AIG1: variants seen among roughly 807,000 people sequenced by gnomAD.
AIG1 encodes the protein androgen induced 1.
AIG1 carries 23 observed loss-of-function variants against 31.4 expected under a neutral mutation model. The ratio of observed to expected loss-of-function variants is 0.73; its 90% confidence interval spans 0.53 to 1.04. The LOEUF is 1.04. Ranked by LOEUF, AIG1 falls within the 50% of genes least tolerant of loss-of-function variation. The pLI is 0.00. For synonymous variants in AIG1, 100 were observed against 110.5 expected (o/e 0.90, Z 0.60); for missense variants, 274 against 295.0 (o/e 0.93, Z 0.52).
chr6:143,192,814 T>C (rs76270042), intron 3 of AIG1, among the ~76,000 whole-genome samples: 135 of 152,284 alleles, frequency 8.9e-4, no homozygotes, highest in African/African-American at 3.2e-3. Context: ...AAAAAGTTGT[T>C]GTATGAACAT....
rs888954488 is a variant in AIG1, at chr6:143,101,085, AT to A, written c.142-35742del. Among the ~76,000 whole-genome samples the A allele has an allele frequency of 8.3e-4, 126 of 151,952 alleles. 2 individuals carry two copies. Among genetic ancestry groups the A allele is most frequent in the Non-Finnish European group, 1.3e-3 (89 of 67,934 alleles). ...TGCCTGAGAGGTTATTTTTCATATA[AT>A]TTTTTTTGCTTACTGATGCTTTAAA... On this transcript the variant is annotated intron_variant, in intron 1 of 5. Transcript: ENST00000357847.
Position 143,229,706 on chromosome 6 carries a change from A to G in AIG1, c.400-54404A>G, listed in dbSNP as rs1278494536. Among the ~76,000 whole-genome samples, 3 of 148,796 alleles carry G rather than the reference A, an allele frequency of 2.0e-5. No individual in the cohort carries two copies. In the Admixed American group the frequency reaches 2.0e-4, roughly 10 times the overall value. On this transcript the variant is annotated intron_variant, in intron 3 of 5. Transcript: ENST00000357847. ...TCCACAGAAAAAGATGATCAAGGCA[A>G]TGCCCTTTAGTTGTTTTTTTCTTAA...
chr6:143,060,283 T>C (rs768533925), upstream of AIG1, among the ~76,000 whole-genome samples: 1 of 152,228 alleles, frequency 6.6e-6, no homozygotes, highest in South Asian at 2.1e-4. Context: ...GAAAACCTTA[T>C]TGCCCCAAAA....
chr6:143,246,838 T>TG (rs994249025), intron 3 of AIG1, among the ~76,000 whole-genome samples: 1 of 152,106 alleles, frequency 6.6e-6, no homozygotes, highest in Non-Finnish European at 1.5e-5. Context: ...TCACACCAAT[T>TG]GCTAGTTCAG....
chr6:143,174,678 G>T (rs910081714), intron 3 of AIG1, among the ~76,000 whole-genome samples: 7 of 151,954 alleles, frequency 4.6e-5, no homozygotes, highest in Non-Finnish European at 7.4e-5. Context: ...TGTCTTTTAA[G>T]TAGAGGATTT....
chr6:143,084,829 C>G (rs1304267198), intron 1 of AIG1, among the ~76,000 whole-genome samples: 1 of 152,194 alleles, frequency 6.6e-6, no homozygotes, highest in Non-Finnish European at 1.5e-5. Flanking sequence ...TAGTAAATGT[C>G]TGCAGCACCA....
chr6:143,156,341 T>G lies in AIG1; in HGVS notation c.298-8741T>G, dbSNP rs1409626484. 5.9e-5 allele frequency among the ~76,000 whole-genome samples: 9 copies of G among 152,298 alleles called. No homozygotes were observed. In the South Asian group the frequency reaches 8.3e-4, roughly 14 times the overall value. On this transcript the variant is annotated intron_variant, in intron 2 of 5. Coordinates refer to ENST00000357847, the MANE Select transcript of AIG1 (RefSeq NM_016108.4). Reference sequence around the variant, plus strand: ...GAGCACTTAAGAACCATGGAGTATCTTCTTAAAATATTAAGTCAGAAGAAT... The same window carrying G: ...GAGCACTTAAGAACCATGGAGTATCGTCTTAAAATATTAAGTCAGAAGAAT...
intron 3 of AIG1, among the ~76,000 whole-genome samples, chr6:143,238,911 C>T (rs1794013994): frequency 6.6e-6 from 1 of 152,178 alleles, no homozygotes; most frequent in African/African-American, 2.4e-5. Context: ...TACAACTTCC[C>T]TTTCATCTTG....
At chr6:143,125,540 G>A (rs1175156381) in intron 1 of AIG1, among the ~76,000 whole-genome samples, 1 of 152,194 alleles carries the variant, frequency 6.6e-6, no homozygotes, top group Admixed American at 6.5e-5. Flanking sequence ...CATAGAGTCA[G>A]CATCTGCTCC....
At chr6:143,212,167 C>T (rs561212755) in intron 3 of AIG1, among the ~76,000 whole-genome samples, 1 of 152,190 alleles carries the variant, frequency 6.6e-6, no homozygotes, top group Non-Finnish European at 1.5e-5. Context: ...TGCTGAATGT[C>T]CCCCAGAGAG....
intron 3 of AIG1, among the ~76,000 whole-genome samples, chr6:143,171,070 T>C (rs1011912629): frequency 2.0e-5 from 3 of 151,976 alleles, no homozygotes; most frequent in African/African-American, 7.2e-5. Context: ...ACTTTCCAAG[T>C]GTTGGGAGAG....
chr6:143,177,802 T>TC (rs1788312409), intron 3 of AIG1, among the ~76,000 whole-genome samples: 1 of 152,196 alleles, frequency 6.6e-6, no homozygotes, highest in African/African-American at 2.4e-5. Context: ...GCAGCAGCCC[T>TC]GGACAGCTGG....
At chr6:143,219,576 A>G (rs1302296382) in intron 3 of AIG1, among the ~76,000 whole-genome samples, 2 of 152,216 alleles carry the variant, frequency 1.3e-5, no homozygotes, top group Non-Finnish European at 2.9e-5. Flanking sequence ...GAAAAATATA[A>G]CAAAAGAACA....
chr6:143,243,130 A>C (rs995472620), intron 3 of AIG1, among the ~76,000 whole-genome samples: 1 of 152,218 alleles, frequency 6.6e-6, no homozygotes, highest in African/African-American at 2.4e-5. Context: ...TAAATTCACT[A>C]TCTTCCTTTT....
intron 3 of AIG1, among the ~76,000 whole-genome samples, chr6:143,266,216 G>A (rs1796141223): frequency 1.3e-5 from 2 of 151,618 alleles, no homozygotes; most frequent in Admixed American, 1.3e-4. Flanking sequence ...GCATGGTGGC[G>A]AGCGCCTGTA....
At chr6:143,171,980 C>T (rs1487531359) in intron 3 of AIG1, among the ~76,000 whole-genome samples, 1 of 151,942 alleles carries the variant, frequency 6.6e-6, no homozygotes, top group Non-Finnish European at 1.5e-5. Flanking sequence ...GTATATCCTC[C>T]TTTGAGAATT....
At chr6:143,315,214 C>T (rs541270822) in intron 4 of AIG1, among the ~76,000 whole-genome samples, 38 of 152,058 alleles carry the variant, frequency 2.5e-4, no homozygotes, top group African/African-American at 8.9e-4. Context: ...GGGGTAAATG[C>T]GACAGCTGCA....
chr6:143,146,660 C>T (rs1472299724), intron 2 of AIG1, among the ~76,000 whole-genome samples: 1 of 152,146 alleles, frequency 6.6e-6, no homozygotes, highest in African/African-American at 2.4e-5. Flanking sequence ...GAAATTACTA[C>T]TGTCCCTGTG....
At chr6:143,336,856 TC>T (rs1777529610) in intron 5 of AIG1, among the ~76,000 whole-genome samples, 6 of 152,072 alleles carry the variant, frequency 3.9e-5, no homozygotes, top group Admixed American at 3.9e-4. Flanking sequence ...GTTATCTGCT[TC>T]CAAAACAGAA....
Sources: allele counts gnomAD v4.1 joint callset (sites outside exome capture counted in the v4.1 genomes callset), GRCh38; gene constraint gnomAD v4.1.1; transcripts MANE v1.5; gene names NCBI Gene and HGNC (gene_info 2026-07-23, HGNC 2026-07-21).